SYN3: variants seen among roughly 807,000 people sequenced by gnomAD.
SYN3 encodes synapsin-3.
Under a neutral mutation model 65.8 loss-of-function variants are expected in SYN3, and 35 were observed. That is an observed-to-expected ratio of 0.53 (90% confidence interval 0.41 to 0.70). The LOEUF (loss-of-function observed/expected upper bound fraction) is 0.70. Among genes scored for constraint, SYN3 ranks in the 30% least tolerant of loss-of-function variants. The pLI is 0.00. For missense variants in SYN3, 680 were observed against 749.0 expected, an observed-to-expected ratio of 0.91 and a Z score of 1.08; for synonymous variants, 270 against 292.9, an observed-to-expected ratio of 0.92 and a Z score of 0.80.
chr22:32,671,460 C>T (rs1344203293), intron 6 of SYN3, among the ~76,000 whole-genome samples: 1 of 152,134 alleles, frequency 6.6e-6, no homozygotes, highest in Non-Finnish European at 1.5e-5. Flanking sequence ...CTCACACACA[C>T]AGACACACCC....
chr22:32,954,222 G>C (rs1028477926), intron 3 of SYN3, among the ~76,000 whole-genome samples: 15 of 152,150 alleles, frequency 9.9e-5, no homozygotes, highest in African/African-American at 3.6e-4. Context: ...TCAAGGTTGG[G>C]GAGAGCCTTT....
At chr22:32,531,144 G>A (rs1357241419) in intron 10 of SYN3, among the ~76,000 whole-genome samples, 3 of 77,172 alleles carry the variant, frequency 3.9e-5, no homozygotes, top group South Asian at 1.0e-3. Context: ...ATGAGACCCC[G>A]TCTCAAAAAA....
chr22:32,683,179 T>C (rs2060546189), intron 6 of SYN3, among the ~76,000 whole-genome samples: 1 of 152,170 alleles, frequency 6.6e-6, no homozygotes, highest in African/African-American at 2.4e-5. Flanking sequence ...GTCATGCCAG[T>C]GAAATAATTC....
In SYN3 at chr22:32,512,281, T is replaced by C. The variant is rs371173252; in HGVS notation, c.*1411A>G. The stretch of plus-strand genomic sequence containing the variant: ...TTTTTACCTCCCTCTCTCCCTTCCC[T>C]GTGGACAGCAAAAGGAAGACATGTC... On this transcript the variant is annotated 3_prime_UTR_variant, in exon 14 of 14. Transcript: ENST00000358763. 3.0e-4 allele frequency among the ~76,000 whole-genome samples: 46 copies of C among 152,330 alleles called. 2 individuals are homozygous for C. In the South Asian group the frequency reaches 5.4e-3, roughly 18 times the overall value.
chr22:33,008,881 C>T (rs948645591), intron 1 of SYN3, among the ~76,000 whole-genome samples: 10 of 123,062 alleles, frequency 8.1e-5, no homozygotes, highest in Admixed American at 3.2e-4. Context: ...GCCAAGATCA[C>T]GTCACTGCAC....
At chr22:33,034,264 C>G (rs997854820) in intron 1 of SYN3, among the ~76,000 whole-genome samples, 2 of 151,538 alleles carry the variant, frequency 1.3e-5, no homozygotes, top group Admixed American at 6.6e-5. Context: ...TTCTTTCTTT[C>G]AAGACAGAGT....
At chr22:32,696,745 T>A (rs756837017) in intron 6 of SYN3, among the ~76,000 whole-genome samples, 1 of 152,184 alleles carries the variant, frequency 6.6e-6, no homozygotes, top group Non-Finnish European at 1.5e-5. Context: ...ATTCTCAACT[T>A]ACTCTTCCTA....
intron 6 of SYN3, among the ~76,000 whole-genome samples, chr22:32,749,534 G>A (rs548880398): frequency 2.6e-5 from 4 of 151,978 alleles, no homozygotes; most frequent in Non-Finnish European, 5.9e-5. Flanking sequence ...CAAACTACTC[G>A]GGAGGCTGAG....
At chr22:32,986,842 T>G (rs891259738) in intron 2 of SYN3, among the ~76,000 whole-genome samples, 7 of 152,090 alleles carry the variant, frequency 4.6e-5, no homozygotes. Flanking sequence ...ACGAAGATTC[T>G]CTCTCCGTGG....
intron 6 of SYN3, among the ~76,000 whole-genome samples, chr22:32,833,118 A>T (rs1041796419): frequency 2.0e-5 from 3 of 152,146 alleles, no homozygotes; most frequent in Admixed American, 6.5e-5. Flanking sequence ...CCAGCAGTAA[A>T]AAGATTCCAA....
At chr22:33,046,302 A>T (rs9621621) in intron 1 of SYN3, among the ~76,000 whole-genome samples, 6,209 of 152,328 alleles carry the variant, frequency 0.041, 420 homozygotes, top group African/African-American at 0.14. Context: ...AGTTAAATGT[A>T]AACTTAGCAC....
intron 6 of SYN3, among the ~76,000 whole-genome samples, chr22:32,658,968 T>C (rs1177575780): frequency 2.0e-5 from 3 of 152,214 alleles, no homozygotes; most frequent in Non-Finnish European, 4.4e-5. Context: ...CTCAAATCCA[T>C]TCTCACGACA....
chr22:32,961,630 A>T (rs534020280), intron 3 of SYN3, among the ~76,000 whole-genome samples: 1 of 152,360 alleles, frequency 6.6e-6, no homozygotes, highest in South Asian at 2.1e-4. Flanking sequence ...TTTTCAGGTC[A>T]TCCAGTGGGT....
chr22:33,038,964 CA>C (rs917069727), intron 1 of SYN3, among the ~76,000 whole-genome samples: 1 of 152,234 alleles, frequency 6.6e-6, no homozygotes, highest in Non-Finnish European at 1.5e-5. Flanking sequence ...CCTGCAACAG[CA>C]GAGCGGAGAG....
intron 6 of SYN3, among the ~76,000 whole-genome samples, chr22:32,727,349 T>C (rs2061210043): frequency 1.3e-5 from 2 of 152,386 alleles, no homozygotes; most frequent in South Asian, 2.1e-4. Context: ...TATTATTCCA[T>C]GGTGTATATG....
At chr22:32,991,856 A>C (rs980086701) in intron 2 of SYN3, among the ~76,000 whole-genome samples, 1 of 152,174 alleles carries the variant, frequency 6.6e-6, no homozygotes, top group Non-Finnish European at 1.5e-5. Context: ...TCCTGCCACC[A>C]CAGATGGCCT....
chr22:32,566,098 C>G (rs1473777872), intron 7 of SYN3, among the ~76,000 whole-genome samples: 2 of 152,060 alleles, frequency 1.3e-5, no homozygotes, highest in Non-Finnish European at 2.9e-5. Flanking sequence ...CTGCTTGGGT[C>G]TCCTAAAGCA....
intron 6 of SYN3, among the ~76,000 whole-genome samples, chr22:32,637,630 CTTTTTTTTT>C (rs1185407986): frequency 0.23 from 21,308 of 94,226 alleles, 1,713 homozygotes; most frequent in Middle Eastern, 0.28. Flanking sequence ...TTTTCTTTTT[CTTTTTTTTT>C]TTTTTTTTTT....
chr22:32,667,802 T>TTTC (rs1555920141), intron 6 of SYN3, among the ~76,000 whole-genome samples: 26,770 of 142,914 alleles, frequency 0.19, 3,738 homozygotes, highest in East Asian at 0.59. Context: ...TTCTTTCTTT[T>TTTC]TTTTTTTTTT....
Sources: allele counts gnomAD v4.1 joint callset (sites outside exome capture counted in the v4.1 genomes callset), GRCh38; gene constraint gnomAD v4.1.1; transcripts MANE v1.5; gene names NCBI Gene and HGNC (gene_info 2026-07-23, HGNC 2026-07-21).